CADM2: variants seen among roughly 807,000 people sequenced by gnomAD.
CADM2 encodes immunoglobulin superfamily member 4D.
In CADM2, 12 loss-of-function variants were observed where a neutral mutation model predicts 49.8. That is an observed-to-expected ratio of 0.24 (90% CI 0.15 to 0.39). CADM2 has a LOEUF of 0.39. Ranked by LOEUF, CADM2 falls within the 10% of genes least tolerant of loss-of-function variation. The pLI, the probability that CADM2 is intolerant of heterozygous loss-of-function variation, is 1.00. For synonymous variants in CADM2, 214 were observed against 175.4 expected (o/e 1.22, Z -1.74); for missense variants, 378 against 492.3 (o/e 0.77, Z 2.20).
intron 1 of CADM2, among the ~76,000 whole-genome samples, chr3:85,013,725 C>A (rs2034106531): frequency 6.7e-6 from 1 of 149,524 alleles, no homozygotes; most frequent in South Asian, 2.1e-4. Flanking sequence ...CCTCCTTGTC[C>A]CATGGTTTCA....
At chr3:85,141,125 T>C (rs1304260218) in intron 1 of CADM2, among the ~76,000 whole-genome samples, 3 of 152,178 alleles carry the variant, frequency 2.0e-5, no homozygotes, top group East Asian at 1.9e-4. Flanking sequence ...TGAGAGCCAG[T>C]TATTTTATGT....
chr3:85,784,974 CT>C (rs1361323857), intron 2 of CADM2, among the ~76,000 whole-genome samples: 1 of 152,010 alleles, frequency 6.6e-6, no homozygotes, highest in Admixed American at 6.6e-5. Context: ...TTTTATTAAT[CT>C]TTTCAGATTT....
At chr3:85,319,458 A>T (rs1249710159) in intron 1 of CADM2, among the ~76,000 whole-genome samples, 6 of 152,196 alleles carry the variant, frequency 3.9e-5, no homozygotes, top group Non-Finnish European at 8.8e-5. Flanking sequence ...TACCCAGTGG[A>T]ATATAAATCT....
intron 1 of CADM2, among the ~76,000 whole-genome samples, chr3:85,261,887 A>G (rs1002593507): frequency 6.6e-6 from 1 of 152,240 alleles, no homozygotes; most frequent in East Asian, 1.9e-4. Flanking sequence ...CTGTATTTCC[A>G]CGTTCTTATT....
chr3:85,295,675 T>C (rs1382672804), intron 1 of CADM2, among the ~76,000 whole-genome samples: 1 of 151,674 alleles, frequency 6.6e-6, no homozygotes, highest in East Asian at 1.9e-4. Context: ...TCATTCTCAG[T>C]AAACTATCGC....
intron 8 of CADM2, among the ~76,000 whole-genome samples, chr3:85,979,660 AT>A (rs1727235690): frequency 2.0e-5 from 3 of 151,626 alleles, no homozygotes; most frequent in Non-Finnish European, 4.4e-5. Context: ...TTCTAGTTTA[AT>A]ATTAATAACT....
chr3:85,098,258 A>G (rs79316694), intron 1 of CADM2, among the ~76,000 whole-genome samples: 4 of 49,000 alleles, frequency 8.2e-5, no homozygotes, highest in Non-Finnish European at 3.8e-4. Flanking sequence ...TTATCGTAGA[A>G]AAAAAAAAAA....
At chr3:85,318,370 T>G (rs2044518179) in intron 1 of CADM2, among the ~76,000 whole-genome samples, 1 of 151,978 alleles carries the variant, frequency 6.6e-6, no homozygotes, top group Admixed American at 6.6e-5. Context: ...TAATGGCAGA[T>G]GCAGTAACAG....
At chr3:85,366,752 T>A (rs1424823278) in intron 1 of CADM2, among the ~76,000 whole-genome samples, 2 of 152,118 alleles carry the variant, frequency 1.3e-5, no homozygotes, top group Non-Finnish European at 2.9e-5. Context: ...AATCTGTCAC[T>A]CAATGAATGA....
rs1276164986 is a variant in CADM2 at position 86,074,233 on chromosome 3, G to T, written c.*7450G>T. ...TTCTGCCAATAAGGATTTCAGATAAGCTTTTAAATTTATGGAGGATTTTCT... is the reference window on the plus strand; with the variant it reads ...TTCTGCCAATAAGGATTTCAGATAATCTTTTAAATTTATGGAGGATTTTCT... On this transcript the variant is annotated 3_prime_UTR_variant, in exon 10 of 10. Transcript: ENST00000383699. 2 of 151,820 alleles carry T rather than the reference G, an allele frequency of 1.3e-5. No individual in the cohort carries two copies. Among genetic ancestry groups the T allele is most frequent in the Non-Finnish European group, 2.9e-5 (2 of 67,836 alleles). The allele number at this position is 151,820 out of a possible 1,614,324, so 9.4% of individuals were successfully genotyped here.
At position 85,848,889 on chromosome 3, in the gene CADM2, G is replaced by C. The variant is rs530903260; in HGVS notation, c.239-34402G>C. On this transcript the variant is annotated intron_variant, in intron 3 of 9. Transcript: ENST00000383699. ...CTAGAAACAGATTTTTTTTTAGTCTGTATTACAGATGAAAAAAATTGAGGC... is the reference window on the plus strand; with the variant it reads ...CTAGAAACAGATTTTTTTTTAGTCTCTATTACAGATGAAAAAAATTGAGGC... Among the ~76,000 whole-genome samples, 9 of 152,000 alleles carry C rather than the reference G, an allele frequency of 5.9e-5. No individual in the cohort carries two copies. In the South Asian group the frequency reaches 1.2e-3, roughly 21 times the overall value.
intron 2 of CADM2, among the ~76,000 whole-genome samples, chr3:85,756,485 G>A (rs1299730611): frequency 2.0e-5 from 3 of 152,184 alleles, no homozygotes; most frequent in East Asian, 3.9e-4. Context: ...AATTTTATTT[G>A]ACATTGTCAG....
At chr3:85,464,727 C>A (rs928166080) in intron 1 of CADM2, among the ~76,000 whole-genome samples, 1 of 152,124 alleles carries the variant, frequency 6.6e-6, no homozygotes, top group Non-Finnish European at 1.5e-5. Flanking sequence ...AGGAAATATG[C>A]AATATATTCA....
At chr3:85,512,439 G>T (rs764925291) in intron 1 of CADM2, among the ~76,000 whole-genome samples, 44 of 152,016 alleles carry the variant, frequency 2.9e-4, no homozygotes, top group Non-Finnish European at 5.6e-4. Context: ...CTTTGTTATT[G>T]TGAGTAATGC....
chr3:85,841,452 T>C (rs1333842952), intron 3 of CADM2, among the ~76,000 whole-genome samples: 1 of 152,050 alleles, frequency 6.6e-6, no homozygotes, highest in African/African-American at 2.4e-5. Flanking sequence ...TTCCATATTA[T>C]TATTCTAAAT....
intron 1 of CADM2, among the ~76,000 whole-genome samples, chr3:85,089,365 C>T (rs2037507297): frequency 6.6e-6 from 1 of 152,028 alleles, no homozygotes; most frequent in South Asian, 2.1e-4. Context: ...TATTTTGCAA[C>T]AGAACTACAA....
intron 1 of CADM2, among the ~76,000 whole-genome samples, chr3:85,417,818 A>T (rs1315285791): frequency 1.3e-5 from 2 of 152,166 alleles, no homozygotes; most frequent in Non-Finnish European, 2.9e-5. Flanking sequence ...GGTCTAGAGC[A>T]GTGCTTTTAA....
intron 1 of CADM2, among the ~76,000 whole-genome samples, chr3:85,287,886 A>T (rs1901547): frequency 1.3e-5 from 2 of 149,710 alleles, no homozygotes; most frequent in African/African-American, 4.9e-5. Flanking sequence ...TTATAGGTGG[A>T]AACTGAACAA....
At chr3:85,330,259 A>G (rs2044879702) in intron 1 of CADM2, among the ~76,000 whole-genome samples, 1 of 152,126 alleles carries the variant, frequency 6.6e-6, no homozygotes, top group African/African-American at 2.4e-5. Context: ...TTTTTTCTCA[A>G]TTACACAATA....
Sources: gnomAD v4.1 joint callset for allele counts (sites outside exome capture counted in the v4.1 genomes callset) on GRCh38, gnomAD v4.1.1 for gene constraint, MANE v1.5 for transcripts, NCBI Gene and HGNC (gene_info 2026-07-23, HGNC 2026-07-21) for gene names.